Variants in GLB1 observed in about 807,000 individuals in gnomAD.
The protein encoded by GLB1 is beta-galactosidase.
Under a neutral mutation model 74.0 loss-of-function variants are expected in GLB1, and 56 were observed. That is an observed-to-expected ratio of 0.76 (90% confidence interval 0.61 to 0.94). The LOEUF (loss-of-function observed/expected upper bound fraction) is 0.94. GLB1 is among the 40% of genes least tolerant of loss of function. The probability of loss-of-function intolerance (pLI) is 0.00; values close to 1 mark genes in which losing one functional copy is unlikely to be tolerated. For missense variants in GLB1, 787 were observed against 845.5 expected, an observed-to-expected ratio of 0.93 and a Z score of 0.86; for synonymous variants, 323 against 323.6, an observed-to-expected ratio of 1.00 and a Z score of 0.02.
chr3:33,024,365 T>C (rs955301617), intron 10 of GLB1, 40 bp from the exon 11 acceptor site: 7 of 1,579,562 alleles, frequency 4.4e-6, no homozygotes, highest in Non-Finnish European at 6.0e-6. Context: ...AGAAAAAAAG[T>C]TGGTAAACCT....
At chr3:33,068,792 A>G in intron 3 of GLB1, 28 bp downstream of exon 3, 1 of 1,613,150 alleles carries the variant, frequency 6.2e-7, no homozygotes. Context: ...CACACACACC[A>G]GGTAGAGCCC....
intron 10 of GLB1, chr3:33,030,506 T>A: frequency 2.0e-6 from 2 of 985,456 alleles, no homozygotes; most frequent in African/African-American, 3.5e-5. Context: ...ACCAGCACTA[T>A]ACATCAGCAA....
chr3:32,965,656 A>G, the GLB1 span, among the ~76,000 whole-genome samples: 1 of 152,218 alleles, frequency 6.6e-6, no homozygotes, highest in African/African-American at 2.4e-5. Context: ...AATATTCTTC[A>G]CTAAGATAAT....
chr3:33,034,961 A>ATTTTTTAATT (rs1698207984), intron 10 of GLB1, among the ~76,000 whole-genome samples: 1 of 152,204 alleles, frequency 6.6e-6, no homozygotes. Flanking sequence ...CAAATCTATT[A>ATTTTTTAATT]TTTTAAAATA....
intron 10 of GLB1, among the ~76,000 whole-genome samples, chr3:33,027,713 C>T (rs1454614040): frequency 6.6e-6 from 1 of 152,034 alleles, no homozygotes; most frequent in African/African-American, 2.4e-5. Context: ...ACCTGAGAGG[C>T]GGAGGTTGCA....
intron 10 of GLB1, chr3:33,030,441 CTAAG>C (rs926338260): frequency 3.1e-5 from 29 of 936,244 alleles, no homozygotes; most frequent in Non-Finnish European, 3.7e-5. Flanking sequence ...TTAACAGTTG[CTAAG>C]TAATATTGCC....
chr3:33,001,157 T>A (rs1334873071), intron 15 of GLB1, among the ~76,000 whole-genome samples: 1 of 151,840 alleles, frequency 6.6e-6, no homozygotes, highest in Non-Finnish European at 1.5e-5. Flanking sequence ...CCTTTCTCTC[T>A]TCTCTTCTCC....
intron 1 of GLB1, among the ~76,000 whole-genome samples, chr3:33,086,664 A>T (rs995005947): frequency 4.6e-5 from 7 of 152,208 alleles, no homozygotes; most frequent in Non-Finnish European, 8.8e-5. Flanking sequence ...ACCTTTAGAG[A>T]GCTTTAGCTC....
At chr3:33,019,126 C>A (rs1024761436) in intron 12 of GLB1, among the ~76,000 whole-genome samples, 2 of 151,808 alleles carry the variant, frequency 1.3e-5, no homozygotes, top group Non-Finnish European at 2.9e-5. Flanking sequence ...GGCAACATAG[C>A]AAGACCTCAT....
chr3:33,029,640 T>G (rs1013686312), intron 10 of GLB1, among the ~76,000 whole-genome samples: 1 of 152,202 alleles, frequency 6.6e-6, no homozygotes, highest in African/African-American at 2.4e-5. Context: ...AACAAGATCA[T>G]GTCCTTTGCA....
At chr3:33,026,759 G>A (rs1697779233) in intron 10 of GLB1, among the ~76,000 whole-genome samples, 1 of 152,102 alleles carries the variant, frequency 6.6e-6, no homozygotes, top group Admixed American at 6.5e-5. Flanking sequence ...CTGAGAGGAT[G>A]GAGGGAGGAT....
chr3:32,985,227 A>G, the GLB1 span, among the ~76,000 whole-genome samples: 1 of 151,368 alleles, frequency 6.6e-6, no homozygotes, highest in Admixed American at 6.6e-5. Context: ...GTGTTTGTAT[A>G]AATTTTCTTC....
At chr3:33,096,522 G>A in intron 1 of GLB1, 1 of 985,354 alleles carries the variant, frequency 1.0e-6, no homozygotes. Context: ...CGAAGAGGGA[G>A]AGCACCCAGA....
chr3:33,096,749 A>C, intron 1 of GLB1: 3 of 1,296,314 alleles, frequency 2.3e-6, no homozygotes, highest in East Asian at 3.5e-5. Flanking sequence ...CAGATGGGGA[A>C]GTGGATCCAA....
At position 33,038,991 on chromosome 3, in the gene GLB1, G is replaced by C. The variant is rs865840749; in HGVS notation, c.1068+7129C>G. Among the ~76,000 whole-genome samples the C allele has an allele frequency of 3.3e-5, 5 of 151,744 alleles. No homozygotes were observed. The South Asian group carries it at 8.3e-4, about 25-fold the overall frequency. ...GAGACAACACTATCTGATCAAAAAC[G>C]AATAGAAAAAAAAGCCAGGGCCGGG... On this transcript the variant is annotated intron_variant, in intron 10 of 15. Coordinates refer to ENST00000307363, the MANE Select transcript of GLB1 (RefSeq NM_000404.4).
intron 10 of GLB1, chr3:33,033,788 A>C (rs1443046069): frequency 6.4e-6 from 2 of 314,134 alleles, no homozygotes; most frequent in East Asian, 1.9e-4. Flanking sequence ...CAAAAAAAAA[A>C]AAAAAAAAAG....
At chr3:32,970,018 G>A in the GLB1 span, among the ~76,000 whole-genome samples, 20,437 of 152,150 alleles carry the variant, frequency 0.13, 1,655 homozygotes, top group East Asian at 0.32. Flanking sequence ...TTCAGGATAG[G>A]TCATGGCCTT....
chr3:32,964,358 G>A, the GLB1 span, among the ~76,000 whole-genome samples: 16 of 152,220 alleles, frequency 1.1e-4, no homozygotes, highest in Non-Finnish European at 1.9e-4. Flanking sequence ...GGAAGAATTT[G>A]AGGGAGTTCG....
intron 1 of GLB1, chr3:33,094,405 C>A (rs1700915260): frequency 7.7e-7 from 1 of 1,304,016 alleles, no homozygotes; most frequent in Non-Finnish European, 9.9e-7. Context: ...ACCTTGAATC[C>A]AAGCTACTCA....
Sources: allele counts gnomAD v4.1 joint callset (sites outside exome capture counted in the v4.1 genomes callset), GRCh38; gene constraint gnomAD v4.1.1; transcripts MANE v1.5; gene names NCBI Gene and HGNC (gene_info 2026-07-23, HGNC 2026-07-21).